The following TEX2 variants were observed in gnomAD, a reference collection of about 807,000 sequenced individuals.
The protein encoded by TEX2 is testis-expressed protein 2.
A neutral mutation model predicts 106.9 loss-of-function variants in TEX2; 53 were observed. The observed-to-expected ratio is 0.50, with a 90% confidence interval of 0.40 to 0.62. The LOEUF (loss-of-function observed/expected upper bound fraction) is 0.62. Among genes scored for constraint, TEX2 ranks in the 20% least tolerant of loss-of-function variants. TEX2 has a pLI of 0.00. For missense variants in TEX2, 1,207 were observed against 1,379.0 expected, an observed-to-expected ratio of 0.88 and a Z score of 1.98; for synonymous variants, 523 against 534.8, an observed-to-expected ratio of 0.98 and a Z score of 0.30.
rs1555632120 is a variant in TEX2, at chr17:64,213,640, T to C, written c.578A>G (p.Lys193Arg). 6.2e-7 allele frequency: 1 copy of C among 1,613,960 alleles called. No individual in the cohort carries two copies. The highest frequency in any genetic ancestry group is 2.2e-5 in the East Asian group (1 of 44,880). The change falls in exon 2 of 12, where the codon AAG becomes AGG. Residue 193 changes from lysine (K) to arginine (R), a missense_variant. Lys to Arg is a conservative substitution (Grantham distance 26). This residue lies in a region of TEX2 where 1,067 missense variants were observed against 1,193.6 expected (regional missense o/e 0.89). Coordinates refer to ENST00000584379, the MANE Select transcript of TEX2 (RefSeq NM_001288732.2). The surrounding 1 kb of genome is among the most constrained non-coding windows in gnomAD (Gnocchi z 4.4). ...SSAKPFMSLVKSLSTEVEPKE... is the reference protein window; with the variant it reads ...SSAKPFMSLVRSLSTEVEPKE... ...TGGCTCCACCTCGGTCGACAGGGAC[T>C]TCACAAGGCTCATGAAGGGTTTTGC...
chr17:64,246,583 G>A (rs2033992672), intron 1 of TEX2, among the ~76,000 whole-genome samples: 1 of 152,080 alleles, frequency 6.6e-6, no homozygotes. Context: ...CCCCCTAGAA[G>A]AATGGTCTTT....
In TEX2 at chr17:64,150,828, A is replaced by G. The variant is rs2030314540; in HGVS notation, c.3261+13T>C. On this transcript the variant is annotated intron_variant, in intron 11 of 11. Coordinates refer to ENST00000584379, the MANE Select transcript of TEX2 (RefSeq NM_001288732.2). ...TACTTGGTGTGAAATACTAGATAAC[A>G]CTAGAGGTTTACCTGAAACTCTTGC... The G allele has an allele frequency of 5.6e-6, 9 of 1,611,834 alleles. No individual in the cohort carries two copies. Among genetic ancestry groups the G allele is most frequent in the Non-Finnish European group, 7.6e-6 (9 of 1,179,100 alleles).
intron 5 of TEX2, among the ~76,000 whole-genome samples, chr17:64,184,428 CTT>C (rs1053329227): frequency 2.0e-5 from 3 of 152,112 alleles, no homozygotes; most frequent in African/African-American, 7.2e-5. Context: ...TTATTTATCT[CTT>C]TGTTATTGAG....
intron 1 of TEX2, among the ~76,000 whole-genome samples, chr17:64,243,496 G>A (rs1028677121): frequency 6.6e-6 from 1 of 152,168 alleles, no homozygotes; most frequent in Non-Finnish European, 1.5e-5. Flanking sequence ...TCTTTTGGAA[G>A]CACTACTGTC....
Position 64,150,979 on chromosome 17 carries a change from A to G in TEX2, c.3141-18T>C. On this transcript the variant is annotated intron_variant, in intron 10 of 11. Transcript: ENST00000584379. ...AACCATACCTTTTTGAAGACAAGTA[A>G]TAACCACATTTAGAAGCAAAGCAAG... 8.1e-6 allele frequency: 13 copies of G among 1,612,000 alleles called. No homozygotes were observed. Among genetic ancestry groups the G allele is most frequent in the Non-Finnish European group, 1.1e-5 (13 of 1,178,992 alleles).
In TEX2 at chr17:64,205,648, T is replaced by G. The variant is rs907303796; in HGVS notation, c.1644+6926A>C. On this transcript the variant is annotated intron_variant, in intron 2 of 11. Transcript: ENST00000584379. This position sits in a 1 kb window ranked among gnomAD's most constrained non-coding sequence, Gnocchi z 4.0. The stretch of plus-strand genomic sequence containing the variant: ...TGGAATTTCTCCTCAAAATTGATCA[T>G]GTCCTCCCCCCAAAATTATTCTTTT... Among the ~76,000 whole-genome samples the G allele has an allele frequency of 3.9e-5, 6 of 152,156 alleles. No homozygotes were observed. The highest frequency in any genetic ancestry group is 3.3e-4 in the Admixed American group (5 of 15,262).
At chr17:64,234,341 C>T (rs1192900771) in intron 1 of TEX2, among the ~76,000 whole-genome samples, 1 of 152,210 alleles carries the variant, frequency 6.6e-6, no homozygotes, top group Non-Finnish European at 1.5e-5. Flanking sequence ...GGTCCAATAT[C>T]TGCCTAACAG....
At chr17:64,218,405 CTT>C (rs10526886) in intron 1 of TEX2, among the ~76,000 whole-genome samples, 10,732 of 118,862 alleles carry the variant, frequency 0.09, 729 homozygotes, top group African/African-American at 0.19. Context: ...GACACTTTCA[CTT>C]TTTTTTTTTT....
chr17:64,150,720 G>A (rs769187410), intron 11 of TEX2, 121 bp downstream of exon 11: 4 of 1,071,438 alleles, frequency 3.7e-6, no homozygotes, highest in Admixed American at 2.4e-5. Flanking sequence ...ATACTCTTCC[G>A]GGATGAAGGT....
In TEX2 at chr17:64,148,992, C is replaced by T. The variant is rs763984447; in HGVS notation, c.3361G>A (p.Val1121Met). Reference protein sequence around the residue: ...STSCLLKDPPVEAADQP With the variant: ...STSCLLKDPPMEAADQP ...CATCATGGCTGATCAGCAGCCTCCACAGGTGGGTCTTTCAGGAGGCAGGAA... is the reference window on the plus strand; with the variant it reads ...CATCATGGCTGATCAGCAGCCTCCATAGGTGGGTCTTTCAGGAGGCAGGAA... The change falls in exon 12 of 12, where the codon GTG becomes ATG. Residue 1121 changes from valine (V) to methionine (M), a missense_variant. Physicochemically the swap from Val to Met is conservative, Grantham distance 21. Transcript: ENST00000584379. The T allele has an allele frequency of 1.9e-6, 3 of 1,614,208 alleles. No homozygotes were observed. The highest frequency in any genetic ancestry group is 1.1e-5 in the South Asian group (1 of 91,078).
chr17:64,250,592 C>T (rs1009041772), intron 1 of TEX2, among the ~76,000 whole-genome samples: 1 of 152,164 alleles, frequency 6.6e-6, no homozygotes, highest in Non-Finnish European at 1.5e-5. Flanking sequence ...TGCCGGAGGC[C>T]TACTTTAAAA....
intron 1 of TEX2, among the ~76,000 whole-genome samples, chr17:64,230,142 T>G (rs150279185): frequency 6.6e-6 from 1 of 152,146 alleles, no homozygotes; most frequent in African/African-American, 2.4e-5. Context: ...TGTATGTGCA[T>G]GTATGTGTGC....
intron 2 of TEX2, among the ~76,000 whole-genome samples, chr17:64,196,297 G>A (rs782720323): frequency 5.3e-5 from 8 of 152,158 alleles, no homozygotes; most frequent in African/African-American, 1.4e-4. Flanking sequence ...CTTCATTCCC[G>A]TATCCTATGA....
At chr17:64,220,978 T>C (rs2033343579) in intron 1 of TEX2, among the ~76,000 whole-genome samples, 1 of 152,042 alleles carries the variant, frequency 6.6e-6, no homozygotes, top group Non-Finnish European at 1.5e-5. Flanking sequence ...TAGACTGGAC[T>C]AAAAAAATGT....
rs1337215035 is a variant in TEX2, at chr17:64,205,298, C to T, written c.1644+7276G>A. ...TGCCACTGCACTCTAGCCTGAGCGA[C>T]AGAGCGAGGCAAAACAAACAAACAT... is the stretch of plus-strand genomic sequence containing the variant. On this transcript the variant is annotated intron_variant, in intron 2 of 11. Transcript: ENST00000584379. This position sits in a 1 kb window ranked among gnomAD's most constrained non-coding sequence, Gnocchi z 4.0. 6.6e-6 allele frequency among the ~76,000 whole-genome samples: 1 copy of T among 152,168 alleles called. No homozygotes were observed. Among genetic ancestry groups the T allele is most frequent in the African/African-American group, 2.4e-5 (1 of 41,428 alleles).
At chr17:64,161,631 A>G (rs2030888714) in intron 7 of TEX2, among the ~76,000 whole-genome samples, 1 of 152,166 alleles carries the variant, frequency 6.6e-6, no homozygotes, top group Non-Finnish European at 1.5e-5. Context: ...CAATGAGATC[A>G]TATCTAAAAG....
In TEX2 at chr17:64,148,311, G is replaced by GGGAT. The variant is rs1479520897; in HGVS notation, c.*654_*657dup. 6.6e-6 allele frequency: 1 copy of GGGAT among 152,658 alleles called. No homozygotes were observed. The highest frequency in any genetic ancestry group is 1.5e-5 in the Non-Finnish European group (1 of 68,078). The allele number at this position is 152,658 out of a possible 1,614,324, so 9.5% of individuals were successfully genotyped here. On this transcript the variant is annotated 3_prime_UTR_variant, in exon 12 of 12. Transcript: ENST00000584379. Reference sequence around the variant, plus strand: ...GTTGTACCTCATTGGTGAAAGGCTTGGGATGGTTTGATCTCATGGCTTTGC... The same window carrying GGGAT: ...GTTGTACCTCATTGGTGAAAGGCTTGGGATGGATGGTTTGATCTCATGGCTTTGC...
chr17:64,231,984 C>G (rs150592757), intron 1 of TEX2, among the ~76,000 whole-genome samples: 19 of 152,368 alleles, frequency 1.2e-4, no homozygotes, highest in Non-Finnish European at 2.1e-4. Flanking sequence ...GATCAGACAG[C>G]TTGTTTCCAG....
intron 4 of TEX2, among the ~76,000 whole-genome samples, chr17:64,190,912 C>T (rs1023336903): frequency 8.5e-5 from 13 of 152,150 alleles, no homozygotes; most frequent in African/African-American, 2.7e-4. Context: ...CAGGGCAGGT[C>T]GTCGAGCAGG....
Sources: allele counts gnomAD v4.1 joint callset (sites outside exome capture counted in the v4.1 genomes callset), GRCh38; gene constraint gnomAD v4.1.1; regional missense constraint gnomAD v4.1.1; non-coding constraint Gnocchi (gnomAD v3.1); transcripts MANE v1.5; gene names NCBI Gene and HGNC (gene_info 2026-07-23, HGNC 2026-07-21).